The following RAPGEF2 variants were observed in gnomAD, a reference collection of about 807,000 sequenced individuals.
The protein encoded by RAPGEF2 is Rap guanine nucleotide exchange factor 2, also known as PDZ domain containing guanine nucleotide exchange factor (GEF) 1.
A neutral mutation model predicts 186.7 loss-of-function variants in RAPGEF2; 54 were observed. That is an observed-to-expected ratio of 0.29 (90% CI 0.23 to 0.36). RAPGEF2 has a LOEUF of 0.36. Ranked by LOEUF, RAPGEF2 falls within the 10% of genes least tolerant of loss-of-function variation. The pLI is 1.00. For synonymous variants in RAPGEF2, 712 were observed against 705.9 expected (o/e 1.01, Z -0.14); for missense variants, 1,532 against 2,045.0 (o/e 0.75, Z 4.84).
chr4:159,148,381 GA>G (rs1248190279), intron 1 of RAPGEF2, among the ~76,000 whole-genome samples: 2 of 152,126 alleles, frequency 1.3e-5, no homozygotes, highest in African/African-American at 4.8e-5. Context: ...TTGTTTTTAG[GA>G]AAGTTTTAAA....
intron 7 of RAPGEF2, among the ~76,000 whole-genome samples, chr4:159,255,681 A>G (rs1033461387): frequency 5.3e-5 from 8 of 152,022 alleles, no homozygotes; most frequent in Admixed American, 4.6e-4. Flanking sequence ...AGGTTCTTGC[A>G]TTGTTTTTGG....
intron 4 of RAPGEF2, among the ~76,000 whole-genome samples, chr4:159,212,913 T>C (rs1364570963): frequency 2.0e-5 from 3 of 152,222 alleles, no homozygotes; most frequent in Non-Finnish European, 4.4e-5. Flanking sequence ...GGGAACTTAA[T>C]GTTCAGAAGA....
chr4:159,237,716 A>G (rs1281266307), intron 4 of RAPGEF2, among the ~76,000 whole-genome samples: 1 of 151,850 alleles, frequency 6.6e-6, no homozygotes, highest in East Asian at 1.9e-4. Context: ...TGATTACCAA[A>G]AATTTTAATA....
intron 4 of RAPGEF2, among the ~76,000 whole-genome samples, chr4:159,217,736 G>C (rs1034371779): frequency 6.6e-6 from 1 of 152,186 alleles, no homozygotes; most frequent in Non-Finnish European, 1.5e-5. Context: ...TGTCCAACCT[G>C]TTCTCCACAA....
rs551261056 is a variant in RAPGEF2 at position 159,350,222 on chromosome 4, T to C, written c.3798T>C (p.Asp1266=). 6 of 1,600,924 alleles carry C rather than the reference T, an allele frequency of 3.7e-6. No homozygotes were observed. The East Asian group carries it at 9.0e-5, about 24-fold the overall frequency. The stretch of plus-strand genomic sequence containing the variant: ...AACGTCACAAGAAACAGGCTGAAGA[T>C]ACAATATCAAATGCATCTTCGCAGC... ...SLERHKKQAE[D]TISNASSQLS... The change falls in exon 26 of 30, where the codon GAT becomes GAC. Residue 1266 remains aspartate, a synonymous_variant. Transcript: ENST00000691494.
At chr4:159,129,819 A>G (rs1219393631) in intron 1 of RAPGEF2, among the ~76,000 whole-genome samples, 1 of 152,234 alleles carries the variant, frequency 6.6e-6, no homozygotes, top group African/African-American at 2.4e-5. Context: ...TGGGCAAGAA[A>G]GAATTTGGGG....
rs528397268 is a variant in RAPGEF2, at chr4:159,263,734, T to C, written c.543+19943T>C. Reference sequence around the variant, plus strand: ...CACATTGAGATCTATGGTTAAACACTGTATATGTTCTAAGTGTGATTAATC... The same window carrying C: ...CACATTGAGATCTATGGTTAAACACCGTATATGTTCTAAGTGTGATTAATC... On this transcript the variant is annotated intron_variant, in intron 7 of 29. Transcript: ENST00000691494. Among the ~76,000 whole-genome samples the C allele has an allele frequency of 8.2e-4, 125 of 152,306 alleles. 1 individual carries two copies. The Middle Eastern group carries it at 0.014, about 17-fold the overall frequency.
At position 159,330,295 on chromosome 4, in the gene RAPGEF2, G is replaced by GTGTGTGTGTGTGTATA; in HGVS notation, c.1303-38_1303-37insGTGTGTGTGTGTATAT. Reference sequence around the variant, plus strand: ...TGTGTGTGTGTGTGTGTGTGTGTGTGTATATATATGTAGTAATTAAACCTT... The same window carrying GTGTGTGTGTGTGTATA: ...TGTGTGTGTGTGTGTGTGTGTGTGTGTGTGTGTGTGTGTATATATATATATGTAGTAATTAAACCTT... On this transcript the variant is annotated intron_variant, in intron 12 of 29. Coordinates refer to ENST00000691494, the MANE Select transcript of RAPGEF2 (RefSeq NM_001394067.2). 4.3e-6 allele frequency: 4 copies of GTGTGTGTGTGTGTATA among 924,490 alleles called. No homozygotes were observed. The East Asian group carries it at 7.2e-5, about 17-fold the overall frequency. 57.3% of individuals were successfully genotyped at this position (924,490 alleles called of 1,614,324 possible).
At chr4:159,222,078 G>A (rs1751600650) in intron 4 of RAPGEF2, among the ~76,000 whole-genome samples, 1 of 152,154 alleles carries the variant, frequency 6.6e-6, no homozygotes, top group South Asian at 2.1e-4. Flanking sequence ...CCTTCATCCT[G>A]GAACACTAAC....
intron 4 of RAPGEF2, among the ~76,000 whole-genome samples, chr4:159,216,060 T>C (rs562695929): frequency 4.5e-4 from 69 of 152,304 alleles, no homozygotes; most frequent in African/African-American, 1.6e-3. Context: ...GCCATCAAAA[T>C]TGAGGTTTGC....
At chr4:159,219,295 A>G (rs1751279656) in intron 4 of RAPGEF2, among the ~76,000 whole-genome samples, 1 of 127,318 alleles carries the variant, frequency 7.9e-6, no homozygotes, top group South Asian at 2.6e-4. Context: ...TCTTTTTAAG[A>G]TATTAATGTG....
intron 7 of RAPGEF2, among the ~76,000 whole-genome samples, chr4:159,289,555 T>C (rs924161424): frequency 1.3e-5 from 2 of 152,206 alleles, no homozygotes; most frequent in Non-Finnish European, 2.9e-5. Flanking sequence ...CTCAATATCT[T>C]CTACTTTAAA....
At chr4:159,134,169 A>T (rs1453103608) in intron 1 of RAPGEF2, among the ~76,000 whole-genome samples, 1 of 152,080 alleles carries the variant, frequency 6.6e-6, no homozygotes, top group Non-Finnish European at 1.5e-5. Flanking sequence ...GCAACCAGTG[A>T]TCTGATTTCT....
In RAPGEF2 at chr4:159,139,141, A is replaced by G. The variant is rs182831759; in HGVS notation, c.69+34910A>G. The stretch of plus-strand genomic sequence containing the variant: ...TTTTGAGCACACCTACCGTGTGTGT[A>G]TGGCACTGTGTTGCCAAGTACTTTG... On this transcript the variant is annotated intron_variant, in intron 1 of 29. Transcript: ENST00000691494. 2.6e-5 allele frequency among the ~76,000 whole-genome samples: 4 copies of G among 152,288 alleles called. No individual in the cohort carries two copies. In the East Asian group the frequency reaches 7.7e-4, roughly 29 times the overall value.
rs374467858 is a variant in RAPGEF2 at position 159,343,208 on chromosome 4, G to A, written c.3130+18G>A. ...TCACGAAGGTAAACATAAGGCAGAG[G>A]GTTTCCATCTTTGCTTGAAGAAGCA... On this transcript the variant is annotated intron_variant, in intron 21 of 29. Coordinates refer to ENST00000691494, the MANE Select transcript of RAPGEF2 (RefSeq NM_001394067.2). 3 of 1,613,776 alleles carry A rather than the reference G, an allele frequency of 1.9e-6. No homozygotes were observed. The highest frequency in any genetic ancestry group is 1.7e-5 in the Admixed American group (1 of 59,992).
intron 1 of RAPGEF2, among the ~76,000 whole-genome samples, chr4:159,119,106 A>G (rs1005499137): frequency 3.3e-5 from 5 of 152,248 alleles, no homozygotes; most frequent in South Asian, 4.1e-4. Context: ...CAGGTTGCCA[A>G]GAACTGCAGA....
intron 8 of RAPGEF2, among the ~76,000 whole-genome samples, chr4:159,310,417 GATAAAAC>G (rs1446600244): frequency 1.3e-5 from 2 of 152,012 alleles, no homozygotes; most frequent in Admixed American, 1.3e-4. Context: ...AGTGCTTACT[GATAAAAC>G]ATGCAGTATT....
At chr4:159,323,140 G>A (rs1765458094) in intron 10 of RAPGEF2, among the ~76,000 whole-genome samples, 2 of 152,052 alleles carry the variant, frequency 1.3e-5, no homozygotes, top group Admixed American at 6.5e-5. Flanking sequence ...TTCTCATTGA[G>A]GCAATGATGA....
chr4:159,338,527 A>G, intron 18 of RAPGEF2, 59 bp downstream of exon 18: 1 of 1,469,138 alleles, frequency 6.8e-7, no homozygotes, highest in Non-Finnish European at 9.4e-7. Flanking sequence ...TTCTAACATA[A>G]TGGTCATATT....
Sources: gnomAD v4.1 joint callset for allele counts (sites outside exome capture counted in the v4.1 genomes callset) on GRCh38, gnomAD v4.1.1 for gene constraint, MANE v1.5 for transcripts, NCBI Gene and HGNC (gene_info 2026-07-23, HGNC 2026-07-21) for gene names.